The following DOCK5 variants were observed in gnomAD, a reference collection of about 807,000 sequenced individuals.
DOCK5 encodes the protein dedicator of cytokinesis 5.
Under a neutral mutation model 251.8 loss-of-function variants are expected in DOCK5, and 142 were observed. The observed-to-expected ratio is 0.56, with a 90% CI of 0.49 to 0.65. DOCK5 has a LOEUF of 0.65. Ranked by LOEUF, DOCK5 falls within the 30% of genes least tolerant of loss-of-function variation. The pLI is 0.00. For missense variants in DOCK5, 2,111 were observed against 2,312.3 expected, an observed-to-expected ratio of 0.91 and a Z score of 1.79; for synonymous variants, 842 against 835.5, an observed-to-expected ratio of 1.01 and a Z score of -0.13.
At chr8:25,286,380 C>T (rs1050932937) in intron 5 of DOCK5, among the ~76,000 whole-genome samples, 12 of 152,146 alleles carry the variant, frequency 7.9e-5, no homozygotes, top group South Asian at 4.1e-4. Context: ...GACTCAAAGA[C>T]GCTTATCCTT....
At chr8:25,403,513 G>T in intron 47 of DOCK5, 45 bp from the exon 48 acceptor site, 1 of 1,601,734 alleles carries the variant, frequency 6.2e-7, no homozygotes, top group Middle Eastern at 1.9e-4. Context: ...GTTCATAGGG[G>T]CTGGATTCCA....
chr8:25,323,630 A>AGTCT (rs1399023623), intron 16 of DOCK5, among the ~76,000 whole-genome samples: 1 of 152,108 alleles, frequency 6.6e-6, no homozygotes. Flanking sequence ...GGCAGATGCT[A>AGTCT]GTCTCATTTA....
chr8:25,296,698 C>G, intron 7 of DOCK5, 50 bp downstream of exon 7: 1 of 1,597,008 alleles, frequency 6.3e-7, no homozygotes, highest in Non-Finnish European at 8.5e-7. Flanking sequence ...CCATTTTTGC[C>G]TTGGTTTTTA....
chr8:25,314,346 TGG>T (rs1050764621), intron 13 of DOCK5, among the ~76,000 whole-genome samples: 1 of 151,112 alleles, frequency 6.6e-6, no homozygotes, highest in Non-Finnish European at 1.5e-5. Context: ...CTTGAACTCC[TGG>T]GCTCAAGCAG....
intron 27 of DOCK5, among the ~76,000 whole-genome samples, chr8:25,354,334 C>T (rs750929404): frequency 2.0e-5 from 3 of 152,092 alleles, no homozygotes; most frequent in Non-Finnish European, 4.4e-5. Context: ...CCATTTCTAT[C>T]ATACATTATA....
rs530136504 is a variant in DOCK5, at chr8:25,406,658, C to T, written c.5094-1325C>T. ...TGTATTTTTTTTTGAGACAGAGTCT[C>T]GTTGTGTCGCCCAGGCTGGAGTGCA... On this transcript the variant is annotated intron_variant, in intron 48 of 51. Transcript: ENST00000276440. Among the ~76,000 whole-genome samples the T allele has an allele frequency of 4.0e-5, 6 of 151,702 alleles. No homozygotes were observed. In the South Asian group the frequency reaches 6.3e-4, roughly 16 times the overall value.
At chr8:25,191,284 T>C (rs1228325011) in intron 1 of DOCK5, among the ~76,000 whole-genome samples, 2 of 152,194 alleles carry the variant, frequency 1.3e-5, no homozygotes, top group African/African-American at 4.8e-5. Flanking sequence ...AAGTGCGATA[T>C]GGCCACCGAT....
intron 1 of DOCK5, among the ~76,000 whole-genome samples, chr8:25,213,595 G>C (rs1802157724): frequency 6.6e-6 from 1 of 151,970 alleles, no homozygotes; most frequent in African/African-American, 2.4e-5. Context: ...GCTACATCAG[G>C]GTTTAATTAG....
At chr8:25,297,270 ATTT>A (rs1311282663) in intron 7 of DOCK5, among the ~76,000 whole-genome samples, 1 of 113,232 alleles carries the variant, frequency 8.8e-6, no homozygotes. Flanking sequence ...AATTTTTGTA[ATTT>A]TTTTTTTTTT....
intron 5 of DOCK5, among the ~76,000 whole-genome samples, chr8:25,282,735 G>T (rs963420875): frequency 3.3e-5 from 5 of 150,792 alleles, no homozygotes; most frequent in Non-Finnish European, 7.4e-5. Context: ...CTGTAATCTA[G>T]GCTACTCAGA....
chr8:25,376,489 T>A, intron 37 of DOCK5: 1 of 584,550 alleles, frequency 1.7e-6, no homozygotes, highest in Non-Finnish European at 2.2e-6. Context: ...TTATTAATTC[T>A]TGATAGTGTG....
intron 2 of DOCK5, among the ~76,000 whole-genome samples, chr8:25,245,208 C>T (rs1475537706): frequency 6.6e-6 from 1 of 152,120 alleles, no homozygotes; most frequent in Non-Finnish European, 1.5e-5. Context: ...AGGTGCCCAC[C>T]ACCACACCCA....
chr8:25,310,008 A>C (rs182629857), intron 12 of DOCK5, among the ~76,000 whole-genome samples: 1 of 151,980 alleles, frequency 6.6e-6, no homozygotes, highest in Admixed American at 6.6e-5. Context: ...CAGCATATTC[A>C]TGTAATTATT....
In DOCK5 at chr8:25,386,305, A is replaced by G. The variant is rs894409788; in HGVS notation, c.4132-2786A>G. ...AATAAAGAGTGGAAGGTCTGAGGCCAAGCATGGTGACTCATGCCTGTAATC... is the reference window on the plus strand; with the variant it reads ...AATAAAGAGTGGAAGGTCTGAGGCCGAGCATGGTGACTCATGCCTGTAATC... On this transcript the variant is annotated intron_variant, in intron 40 of 51. Coordinates refer to ENST00000276440, the MANE Select transcript of DOCK5 (RefSeq NM_024940.8). Among the ~76,000 whole-genome samples, 4 of 152,178 alleles carry G rather than the reference A, an allele frequency of 2.6e-5. No homozygotes were observed. The East Asian group carries it at 7.7e-4, about 29-fold the overall frequency.
At chr8:25,353,507 T>C (rs1050226695) in intron 27 of DOCK5, among the ~76,000 whole-genome samples, 8 of 152,294 alleles carry the variant, frequency 5.3e-5, no homozygotes, top group African/African-American at 1.7e-4. Flanking sequence ...AATTGGAGAA[T>C]TCCTCATGTA....
intron 10 of DOCK5, among the ~76,000 whole-genome samples, chr8:25,302,724 C>T (rs902182319): frequency 1.3e-5 from 2 of 152,308 alleles, no homozygotes; most frequent in Non-Finnish European, 1.5e-5. Flanking sequence ...GAATAATACT[C>T]GCCTTAAACA....
chr8:25,374,861 T>C (rs1586374616), intron 37 of DOCK5: 1 of 1,400,014 alleles, frequency 7.1e-7, no homozygotes, highest in Non-Finnish European at 9.3e-7. Context: ...TAAAAATCCT[T>C]AGAAAGCAGA....
chr8:25,395,438 A>C, intron 44 of DOCK5, 105 bp from the exon 45 acceptor site: 1 of 1,244,364 alleles, frequency 8.0e-7, no homozygotes, highest in Non-Finnish European at 1.1e-6. Context: ...CCTTTTCTAT[A>C]GCTTGTGGGC....
chr8:25,187,364 TTGTGTGTGTGTGTGTG>T (rs34685735), intron 1 of DOCK5, among the ~76,000 whole-genome samples: 2 of 136,550 alleles, frequency 1.5e-5, no homozygotes, highest in Admixed American at 7.5e-5. Flanking sequence ...TGGGTGGAAA[TTGTGTGTGTGTGTGTG>T]TGTGTGTGTG....
Sources: allele counts gnomAD v4.1 joint callset (sites outside exome capture counted in the v4.1 genomes callset), GRCh38; gene constraint gnomAD v4.1.1; transcripts MANE v1.5; gene names NCBI Gene and HGNC (gene_info 2026-07-23, HGNC 2026-07-21).